The following PTGER4 variants were observed in gnomAD, a reference collection of about 807,000 sequenced individuals.
The protein encoded by PTGER4 is prostaglandin E2 receptor EP4 subtype.
Under a neutral mutation model 33.2 loss-of-function variants are expected in PTGER4, and 11 were observed. That is an observed-to-expected ratio of 0.33 (90% confidence interval 0.21 to 0.55). PTGER4 has a LOEUF of 0.55. PTGER4 is among the 20% of genes least tolerant of loss of function. The probability of loss-of-function intolerance (pLI) is 0.92; values close to 1 mark genes in which losing one functional copy is unlikely to be tolerated. For synonymous variants in PTGER4, 275 were observed against 281.5 expected (o/e 0.98, Z 0.23); for missense variants, 481 against 650.2 (o/e 0.74, Z 2.83).
the PTGER4 span, among the ~76,000 whole-genome samples, chr5:40,708,813 A>AC: frequency 6.6e-6 from 1 of 152,208 alleles, no homozygotes; most frequent in Admixed American, 6.5e-5. Context: ...ATCCAGCAGC[A>AC]CATCAAAAAG....
At chr5:40,721,634 G>T in the PTGER4 span, among the ~76,000 whole-genome samples, 1 of 151,812 alleles carries the variant, frequency 6.6e-6, no homozygotes, top group East Asian at 1.9e-4. Context: ...TTAAATGTAA[G>T]ACCTGAAGCT....
At chr5:40,685,999 A>ATTTAT (rs1211686961) in intron 2 of PTGER4, among the ~76,000 whole-genome samples, 1 of 152,234 alleles carries the variant, frequency 6.6e-6, no homozygotes, top group African/African-American at 2.4e-5. Context: ...GCCTGTAGAG[A>ATTTAT]TTTAACTTGC....
the PTGER4 span, among the ~76,000 whole-genome samples, chr5:40,729,539 T>C: frequency 6.6e-6 from 1 of 152,230 alleles, no homozygotes; most frequent in East Asian, 1.9e-4. Flanking sequence ...GACCTTTTGC[T>C]AAGGACTAAG....
downstream of PTGER4, among the ~76,000 whole-genome samples, chr5:40,697,409 A>T (rs1371389706): frequency 6.6e-6 from 1 of 151,918 alleles, no homozygotes; most frequent in Non-Finnish European, 1.5e-5. Flanking sequence ...AACATGGAGA[A>T]ACCCTGTCTC....
the PTGER4 span, among the ~76,000 whole-genome samples, chr5:40,704,581 T>C: frequency 6.6e-6 from 1 of 152,156 alleles, no homozygotes; most frequent in African/African-American, 2.4e-5. Flanking sequence ...GAAAACCCCA[T>C]AGTCTCAGAC....
chr5:40,716,618 G>A, the PTGER4 span: 2 of 659,794 alleles, frequency 3.0e-6, no homozygotes, highest in Non-Finnish European at 2.5e-6. Context: ...TTATCTTAAT[G>A]TACTAGAACA....
the PTGER4 span, among the ~76,000 whole-genome samples, chr5:40,712,859 C>G: frequency 3.3e-5 from 5 of 152,228 alleles, no homozygotes; most frequent in South Asian, 1.0e-3. Context: ...ATATATAGTG[C>G]ACATTAGGGC....
chr5:40,689,731 C>T (rs534834993), intron 2 of PTGER4, among the ~76,000 whole-genome samples: 54 of 152,212 alleles, frequency 3.5e-4, no homozygotes, highest in African/African-American at 1.2e-3. Flanking sequence ...GATATTTGCC[C>T]CTAGTTAAAT....
the PTGER4 span, among the ~76,000 whole-genome samples, chr5:40,702,672 C>A: frequency 1.3e-5 from 2 of 152,318 alleles, no homozygotes; most frequent in Admixed American, 6.5e-5. Flanking sequence ...ATCTGATAGA[C>A]CTTTACAGAA....
At position 40,683,270 on chromosome 5, in the gene PTGER4, A is replaced by G. The variant is rs1169162713; in HGVS notation, c.867+1410A>G. Among the ~76,000 whole-genome samples the G allele has an allele frequency of 6.6e-6, 1 of 152,214 alleles. No homozygotes were observed. The highest frequency in any genetic ancestry group is 1.5e-5 in the Non-Finnish European group (1 of 68,026). On this transcript the variant is annotated intron_variant, in intron 2 of 2. Transcript: ENST00000302472. This position sits in a 1 kb window ranked among gnomAD's most constrained non-coding sequence, Gnocchi z 4.2. Reference sequence around the variant, plus strand: ...ATAAAAGTGACTGTAAATGGAAGGAACTTAGAGGGGGCTCAGAGCCAGAAT... The same window carrying G: ...ATAAAAGTGACTGTAAATGGAAGGAGCTTAGAGGGGGCTCAGAGCCAGAAT...
chr5:40,708,183 G>C, the PTGER4 span, among the ~76,000 whole-genome samples: 117 of 152,244 alleles, frequency 7.7e-4, no homozygotes, highest in African/African-American at 2.7e-3. Flanking sequence ...ACCAAGATCA[G>C]AGCAGAACTA....
At chr5:40,706,328 G>A in the PTGER4 span, among the ~76,000 whole-genome samples, 1 of 152,120 alleles carries the variant, frequency 6.6e-6, no homozygotes, top group African/African-American at 2.4e-5. Flanking sequence ...GTCTACCTGA[G>A]TGGGGAGGGT....
At chr5:40,698,092 C>CAAAACA (rs1741653201), downstream of PTGER4, among the ~76,000 whole-genome samples, 1 of 40,050 alleles carries the variant, frequency 2.5e-5, no homozygotes, top group South Asian at 1.8e-3. Flanking sequence ...CCTGTCTCTA[C>CAAAACA]AAAAAAAAAA....
the PTGER4 span, among the ~76,000 whole-genome samples, chr5:40,742,368 C>G: frequency 6.6e-6 from 1 of 152,050 alleles, no homozygotes; most frequent in Non-Finnish European, 1.5e-5. Context: ...TACTACATGA[C>G]AGGCAATATA....
the PTGER4 span, among the ~76,000 whole-genome samples, chr5:40,705,791 A>G: frequency 1.3e-5 from 2 of 152,242 alleles, no homozygotes; most frequent in Non-Finnish European, 2.9e-5. Context: ...CACACTAGTC[A>G]GAATGGCTAT....
At chr5:40,715,982 A>G in the PTGER4 span, 1 of 543,808 alleles carries the variant, frequency 1.8e-6, no homozygotes, top group Non-Finnish European at 3.2e-6. Context: ...CATATTCCAA[A>G]CACTATACAA....
rs143940904 is a variant in PTGER4, at chr5:40,691,727, T to C, written c.868-52T>C. On this transcript the variant is annotated intron_variant, in intron 2 of 2. Transcript: ENST00000302472. The surrounding 1 kb of genome is among the most constrained non-coding windows in gnomAD (Gnocchi z 4.2). ...ATAAGGTAGACATAGCATTTATATG[T>C]TTTCCCAATTGATTAATGATGAAAT... The C allele has an allele frequency of 1.3e-6, 2 of 1,559,696 alleles. No homozygotes were observed. The highest frequency in any genetic ancestry group is 2.2e-5 in the East Asian group (1 of 44,550).
the PTGER4 span, among the ~76,000 whole-genome samples, chr5:40,744,422 G>A: frequency 1.3e-5 from 2 of 148,988 alleles, no homozygotes; most frequent in Non-Finnish European, 3.0e-5. Context: ...TAATATATTG[G>A]TTCCTCAACT....
chr5:40,684,877 G>A (rs1210686125), intron 2 of PTGER4, among the ~76,000 whole-genome samples: 1 of 152,022 alleles, frequency 6.6e-6, no homozygotes, highest in Non-Finnish European at 1.5e-5. Flanking sequence ...AATTTTGTGA[G>A]AACAAGAAGT....
Sources: gnomAD v4.1 joint callset for allele counts (sites outside exome capture counted in the v4.1 genomes callset) on GRCh38, gnomAD v4.1.1 for gene constraint, Gnocchi (gnomAD v3.1) non-coding constraint, MANE v1.5 for transcripts, NCBI Gene and HGNC (gene_info 2026-07-23, HGNC 2026-07-21) for gene names.